The following MAST2 variants were observed in gnomAD, a reference collection of about 807,000 sequenced individuals.
MAST2 encodes microtubule associated serine/threonine kinase 2.
MAST2 carries 70 observed loss-of-function variants against 147.4 expected under a neutral mutation model. The ratio of observed to expected loss-of-function variants is 0.47; its 90% CI spans 0.39 to 0.58. MAST2 has a LOEUF of 0.58. Among genes scored for constraint, MAST2 ranks in the 20% least tolerant of loss-of-function variants. The pLI is 0.00. For missense variants in MAST2, 2,080 were observed against 2,302.3 expected, an observed-to-expected ratio of 0.90 and a Z score of 1.98; for synonymous variants, 869 against 896.8, an observed-to-expected ratio of 0.97 and a Z score of 0.55.
chr1:45,859,589 A>G (rs1182131192), intron 3 of MAST2, among the ~76,000 whole-genome samples: 1 of 152,224 alleles, frequency 6.6e-6, no homozygotes, highest in Non-Finnish European at 1.5e-5. Context: ...TGAGCTGATC[A>G]GGGAGGCCTA....
At chr1:45,832,532 G>C (rs1369761860) in intron 3 of MAST2, among the ~76,000 whole-genome samples, 1 of 152,102 alleles carries the variant, frequency 6.6e-6, no homozygotes, top group Middle Eastern at 3.2e-3. Flanking sequence ...TGCCTCAAGT[G>C]ATCCACCGGC....
At chr1:45,809,110 C>T (rs1644220373) in intron 1 of MAST2, among the ~76,000 whole-genome samples, 1 of 152,152 alleles carries the variant, frequency 6.6e-6, no homozygotes, top group Non-Finnish European at 1.5e-5. Flanking sequence ...TAGATATTTG[C>T]TCAATGTCCT....
At chr1:45,815,493 C>T (rs949641258) in intron 1 of MAST2, among the ~76,000 whole-genome samples, 1 of 151,926 alleles carries the variant, frequency 6.6e-6, no homozygotes, top group African/African-American at 2.4e-5. Context: ...GTTAGGCTTT[C>T]AGGAATGTTT....
intron 1 of MAST2, among the ~76,000 whole-genome samples, chr1:45,808,967 C>T (rs145053080): frequency 6.6e-6 from 1 of 152,242 alleles, no homozygotes; most frequent in Non-Finnish European, 1.5e-5. Context: ...TCGATCATGG[C>T]ATACAATATT....
chr1:46,010,733 A>G lies in MAST2; in HGVS notation c.982A>G (p.Thr328Ala). Residue 328 changes from threonine (T) to alanine (A), a missense_variant, in exon 10 of 29, where the codon ACC becomes GCC. Transcript: ENST00000361297. The part of the protein sequence containing the change: ...HVYKERFPKA[T>A]AQMEERLAEF... ...TCTTTCTTGCTTTTCTTCCCAGGCC[A>G]CCGCACAAATGGAAGAGCGACTAGC... 6.2e-7 allele frequency: 1 copy of G among 1,612,982 alleles called. No homozygotes were observed. Among genetic ancestry groups the G allele is most frequent in the Admixed American group, 1.7e-5 (1 of 60,014 alleles).
Position 46,023,220 on chromosome 1 carries a change from C to T in MAST2, c.1486-13C>T. 1.2e-6 allele frequency: 2 copies of T among 1,612,498 alleles called. No homozygotes were observed. The highest frequency in any genetic ancestry group is 1.7e-6 in the Non-Finnish European group (2 of 1,178,480). On this transcript the variant is annotated splice_polypyrimidine_tract_variant and intron_variant, in intron 13 of 28. Coordinates refer to ENST00000361297, the MANE Select transcript of MAST2 (RefSeq NM_015112.3). The surrounding 1 kb of genome is among the most constrained non-coding windows in gnomAD (Gnocchi z 4.9). ...AAGCATGCCTGTCTCCTGCCTTTTC[C>T]CTTGTCTTCCAGGGCCATGGGGCAT... is the stretch of plus-strand genomic sequence containing the variant.
intron 4 of MAST2, among the ~76,000 whole-genome samples, chr1:45,945,252 G>C (rs561796248): frequency 1.3e-5 from 2 of 152,326 alleles, no homozygotes; most frequent in Non-Finnish European, 2.9e-5. Flanking sequence ...AGTGGACTGA[G>C]ATTGCACCAC....
At chr1:45,849,322 A>G (rs1645546223) in intron 3 of MAST2, among the ~76,000 whole-genome samples, 1 of 152,178 alleles carries the variant, frequency 6.6e-6, no homozygotes, top group African/African-American at 2.4e-5. Flanking sequence ...ACGTTACCCA[A>G]CTTCAAACTG....
intron 17 of MAST2, among the ~76,000 whole-genome samples, chr1:46,028,267 A>G (rs1312629840): frequency 6.6e-6 from 1 of 152,208 alleles, no homozygotes; most frequent in Non-Finnish European, 1.5e-5. Flanking sequence ...AGAGTTTCAT[A>G]TGAGATCAGT....
intron 6 of MAST2, chr1:46,000,931 C>T (rs1182194395): frequency 3.1e-6 from 4 of 1,287,676 alleles, no homozygotes; most frequent in African/African-American, 3.0e-5. Flanking sequence ...CTTTGGTTCT[C>T]ACTATAATGT....
At chr1:45,917,032 C>T (rs981540536) in intron 4 of MAST2, among the ~76,000 whole-genome samples, 4 of 152,126 alleles carry the variant, frequency 2.6e-5, no homozygotes, top group Non-Finnish European at 4.4e-5. Flanking sequence ...GAGCCAAGAT[C>T]GTGCCATTGC....
chr1:45,849,353 C>T (rs956885116), intron 3 of MAST2, among the ~76,000 whole-genome samples: 6 of 151,702 alleles, frequency 4.0e-5, no homozygotes, highest in African/African-American at 1.2e-4. Flanking sequence ...ATACAGTAAC[C>T]AAAACAGCAT....
rs764797605 is a variant in MAST2 at position 46,028,763 on chromosome 1, C to T, written c.2053-5C>T. ...GCTGAGCCAGCCTGGCTTTTCTGTG[C>T]CCAGGTATGCGGGACCCCAGAATAC... On this transcript the variant is annotated splice_polypyrimidine_tract_variant and splice_region_variant and intron_variant, in intron 17 of 28. Transcript: ENST00000361297. 3.7e-6 allele frequency: 6 copies of T among 1,614,036 alleles called. No individual in the cohort carries two copies. The highest frequency in any genetic ancestry group is 4.2e-6 in the Non-Finnish European group (5 of 1,179,982).
intron 5 of MAST2, among the ~76,000 whole-genome samples, chr1:45,970,215 GATAAA>G (rs1643864705): frequency 6.6e-6 from 1 of 152,114 alleles, no homozygotes; most frequent in African/African-American, 2.4e-5. Context: ...GGCTCCTTTG[GATAAA>G]ACTTACAAAA....
intron 4 of MAST2, among the ~76,000 whole-genome samples, chr1:45,929,829 G>A (rs941946604): frequency 3.3e-5 from 5 of 151,884 alleles, no homozygotes; most frequent in African/African-American, 1.2e-4. Flanking sequence ...GCTATCTTCA[G>A]GATAAATTAC....
At chr1:45,871,520 T>G (rs1027193395) in intron 3 of MAST2, among the ~76,000 whole-genome samples, 5 of 152,226 alleles carry the variant, frequency 3.3e-5, no homozygotes, top group South Asian at 2.1e-4. Flanking sequence ...AGTCACTTTG[T>G]AATGAATAAT....
At chr1:45,840,688 T>A (rs1448077692) in intron 3 of MAST2, among the ~76,000 whole-genome samples, 1 of 152,192 alleles carries the variant, frequency 6.6e-6, no homozygotes, top group Non-Finnish European at 1.5e-5. Flanking sequence ...CCTAATTTAA[T>A]ATATAAACTA....
chr1:45,951,602 A>T (rs933859849), intron 4 of MAST2, among the ~76,000 whole-genome samples: 41 of 152,206 alleles, frequency 2.7e-4, no homozygotes, highest in African/African-American at 9.4e-4. Flanking sequence ...AAAAAAGAAT[A>T]TAAAAGAAGG....
At chr1:45,836,793 ATATAGT>A (rs1645115598) in intron 3 of MAST2, among the ~76,000 whole-genome samples, 1 of 152,186 alleles carries the variant, frequency 6.6e-6, no homozygotes, top group Non-Finnish European at 1.5e-5. Context: ...CACAATTATG[ATATAGT>A]TATATAAGAA....
Sources: gnomAD v4.1 joint callset for allele counts (sites outside exome capture counted in the v4.1 genomes callset) on GRCh38, gnomAD v4.1.1 for gene constraint, Gnocchi (gnomAD v3.1) non-coding constraint, MANE v1.5 for transcripts, NCBI Gene and HGNC (gene_info 2026-07-23, HGNC 2026-07-21) for gene names.